ILRUN: variants seen among roughly 807,000 people sequenced by gnomAD.
ILRUN encodes inflammation and lipid regulator with UBA-like and NBR1-like domains.
In ILRUN, 3 loss-of-function variants were observed where a neutral mutation model predicts 33.8. The observed-to-expected ratio is 0.09, with a 90% CI of 0.04 to 0.23. ILRUN has a LOEUF of 0.23. ILRUN is among the 10% of genes least tolerant of loss of function. The pLI is 1.00. For synonymous variants in ILRUN, 124 were observed against 138.9 expected (o/e 0.89, Z 0.75); for missense variants, 210 against 375.1 (o/e 0.56, Z 3.64).
chr6:34,617,558 T>C (rs995295975), intron 3 of ILRUN, among the ~76,000 whole-genome samples: 14 of 152,168 alleles, frequency 9.2e-5, no homozygotes, highest in Non-Finnish European at 1.6e-4. Context: ...TCTGTCAACA[T>C]GCCACCTACG....
intron 3 of ILRUN, among the ~76,000 whole-genome samples, chr6:34,617,791 T>G (rs1036897341): frequency 2.0e-5 from 3 of 152,172 alleles, no homozygotes; most frequent in Admixed American, 6.5e-5. Context: ...TACCCAGGAA[T>G]TTCCTTTTAA....
chr6:34,612,839 A>G (rs575703124), intron 3 of ILRUN, among the ~76,000 whole-genome samples: 111 of 152,222 alleles, frequency 7.3e-4, no homozygotes, highest in African/African-American at 2.0e-3. Context: ...TCAGGAGATC[A>G]AGACCATCCT....
chr6:34,656,271 T>C (rs1348740489), intron 1 of ILRUN, among the ~76,000 whole-genome samples: 2 of 151,854 alleles, frequency 1.3e-5, no homozygotes, highest in African/African-American at 2.4e-5. Flanking sequence ...ATTTGTAGTT[T>C]CTTTTTTGGA....
chr6:34,678,484 G>C (rs1256934415), intron 1 of ILRUN, among the ~76,000 whole-genome samples: 1 of 152,042 alleles, frequency 6.6e-6, no homozygotes, highest in Non-Finnish European at 1.5e-5. Context: ...AGTACTATCC[G>C]ATAGGGCTTC....
chr6:34,611,887 T>C (rs1285055940), intron 3 of ILRUN, among the ~76,000 whole-genome samples: 1 of 152,230 alleles, frequency 6.6e-6, no homozygotes, highest in South Asian at 2.1e-4. Flanking sequence ...GGAACCCAAA[T>C]ACCCAGGGAA....
chr6:34,643,116 T>C (rs1187727267), intron 3 of ILRUN, among the ~76,000 whole-genome samples: 1 of 151,634 alleles, frequency 6.6e-6, no homozygotes, highest in Non-Finnish European at 1.5e-5. Context: ...GCCAACATGG[T>C]GAAACCCCGT....
chr6:34,605,354 G>A (rs78027122), intron 4 of ILRUN, among the ~76,000 whole-genome samples: 9,446 of 148,816 alleles, frequency 0.063, 503 homozygotes, highest in East Asian at 0.31. Flanking sequence ...AGGGCTGGGC[G>A]TGGTGGTTCA....
At chr6:34,671,358 C>T (rs1763114925) in intron 1 of ILRUN, among the ~76,000 whole-genome samples, 1 of 152,154 alleles carries the variant, frequency 6.6e-6, no homozygotes, top group Non-Finnish European at 1.5e-5. Context: ...TGCGCTCAAG[C>T]CTGGGTGAGG....
intron 3 of ILRUN, among the ~76,000 whole-genome samples, chr6:34,614,434 A>AT (rs1562002898): frequency 2.0e-5 from 2 of 99,046 alleles, no homozygotes; most frequent in African/African-American, 9.8e-5. Flanking sequence ...AAAATAATAA[A>AT]AAAAAAAAAA....
chr6:34,638,792 A>C (rs1762415773), intron 3 of ILRUN, among the ~76,000 whole-genome samples: 1 of 152,218 alleles, frequency 6.6e-6, no homozygotes, highest in Non-Finnish European at 1.5e-5. Context: ...ACCAGAACTG[A>C]AACAGTGAGC....
intron 3 of ILRUN, among the ~76,000 whole-genome samples, chr6:34,612,811 G>C (rs533880443): frequency 6.6e-6 from 1 of 152,266 alleles, no homozygotes; most frequent in African/African-American, 2.4e-5. Flanking sequence ...GGGAGGCCAA[G>C]GCGGGCGGAT....
In ILRUN at chr6:34,588,264, C is replaced by T. The variant is rs1470464906; in HGVS notation, c.*2301G>A. On this transcript the variant is annotated 3_prime_UTR_variant, in exon 5 of 5. Coordinates refer to ENST00000374023, the MANE Select transcript of ILRUN (RefSeq NM_024294.4). ...AAGGTGCTTGGGACATTTAACTTGC[C>T]AAGTGTGGTTGCCTAGAAGCAAGAG... 3 of 398,488 alleles carry T rather than the reference C, an allele frequency of 7.5e-6. No homozygotes were observed. Among genetic ancestry groups the T allele is most frequent in the East Asian group, 3.6e-5 (1 of 28,096 alleles). 24.7% of individuals were successfully genotyped at this position (398,488 alleles called of 1,614,324 possible).
chr6:34,688,493 G>A (rs903793035), intron 1 of ILRUN, among the ~76,000 whole-genome samples: 5 of 150,176 alleles, frequency 3.3e-5, no homozygotes, highest in African/African-American at 1.2e-4. Context: ...GCCATGGCAA[G>A]AAACTTACAG....
At chr6:34,632,364 C>T (rs1294232403) in intron 3 of ILRUN, among the ~76,000 whole-genome samples, 1 of 152,032 alleles carries the variant, frequency 6.6e-6, no homozygotes, top group African/African-American at 2.4e-5. Flanking sequence ...TAGCGTGAAC[C>T]TGGGAGGCGG....
At chr6:34,617,437 G>A (rs184716371) in intron 3 of ILRUN, among the ~76,000 whole-genome samples, 4 of 152,180 alleles carry the variant, frequency 2.6e-5, no homozygotes, top group South Asian at 2.1e-4. Flanking sequence ...CAGTTGTCCC[G>A]GTGCTGATCT....
intron 1 of ILRUN, 74 bp downstream of exon 1, chr6:34,696,372 G>A (rs1400848676): frequency 2.8e-5 from 40 of 1,448,672 alleles, no homozygotes; most frequent in South Asian, 1.3e-5. Flanking sequence ...CTGCCGCCAA[G>A]CTCAAGTGTC....
intron 1 of ILRUN, among the ~76,000 whole-genome samples, chr6:34,688,847 T>G (rs1038992006): frequency 5.9e-5 from 9 of 151,584 alleles, no homozygotes; most frequent in Non-Finnish European, 1.2e-4. Flanking sequence ...TTACATGACG[T>G]ATCCACGGGA....
intron 1 of ILRUN, among the ~76,000 whole-genome samples, chr6:34,693,607 C>A (rs1054858533): frequency 6.6e-6 from 1 of 152,076 alleles, no homozygotes; most frequent in Non-Finnish European, 1.5e-5. Context: ...AACATATATG[C>A]TACTCCATGG....
At chr6:34,617,222 G>A in intron 3 of ILRUN, 2 of 448,568 alleles carry the variant, frequency 4.5e-6, no homozygotes, top group South Asian at 3.4e-5. Context: ...GCAACAGGGT[G>A]GACCAGATCA....
Sources: allele counts gnomAD v4.1 joint callset (sites outside exome capture counted in the v4.1 genomes callset), GRCh38; gene constraint gnomAD v4.1.1; transcripts MANE v1.5; gene names NCBI Gene and HGNC (gene_info 2026-07-23, HGNC 2026-07-21).